GSG1L: variants seen among roughly 807,000 people sequenced by gnomAD.
GSG1L encodes the protein GSG1 like.
GSG1L carries 24 observed loss-of-function variants against 42.1 expected under a neutral mutation model. The ratio of observed to expected loss-of-function variants is 0.57; its 90% CI spans 0.41 to 0.80. The LOEUF (loss-of-function observed/expected upper bound fraction) is 0.80. Ranked by LOEUF, GSG1L falls within the 30% of genes least tolerant of loss-of-function variation. The pLI is 0.00. For synonymous variants in GSG1L, 215 were observed against 203.5 expected (o/e 1.06, Z -0.48); for missense variants, 445 against 472.2 (o/e 0.94, Z 0.53).
intron 2 of GSG1L, among the ~76,000 whole-genome samples, chr16:27,909,357 T>C (rs1368781124): frequency 6.6e-6 from 1 of 150,772 alleles, no homozygotes; most frequent in Non-Finnish European, 1.5e-5. Flanking sequence ...TTCTTTCTTT[T>C]TTCTTTCTTT....
intron 1 of GSG1L, among the ~76,000 whole-genome samples, chr16:28,039,577 G>A (rs72785836): frequency 1.8e-3 from 273 of 150,182 alleles, no homozygotes; most frequent in Non-Finnish European, 3.3e-3. Flanking sequence ...GTGCACACAC[G>A]CGCACACATG....
At chr16:27,874,181 T>C (rs2083856943) in intron 3 of GSG1L, among the ~76,000 whole-genome samples, 1 of 152,138 alleles carries the variant, frequency 6.6e-6, no homozygotes, top group South Asian at 2.1e-4. Context: ...AGTGTCTTTG[T>C]TATTCATGAG....
chr16:28,035,399 A>G (rs1228853807), intron 1 of GSG1L, among the ~76,000 whole-genome samples: 2 of 152,130 alleles, frequency 1.3e-5, no homozygotes, highest in Non-Finnish European at 1.5e-5. Flanking sequence ...TCTTTCTTTC[A>G]TGGGAATCCC....
intron 3 of GSG1L, among the ~76,000 whole-genome samples, chr16:27,851,071 G>A (rs1022965459): frequency 6.6e-5 from 10 of 152,208 alleles, no homozygotes; most frequent in African/African-American, 1.9e-4. Flanking sequence ...TGGAAGCAAG[G>A]TCCAGAGACG....
At chr16:27,842,854 C>G (rs1416337164) in intron 4 of GSG1L, among the ~76,000 whole-genome samples, 2 of 152,104 alleles carry the variant, frequency 1.3e-5, no homozygotes, top group Admixed American at 6.5e-5. Context: ...CCTCCAGGTC[C>G]TTGGACCTGC....
rs186806397 is a variant in GSG1L at position 28,028,228 on chromosome 16, A to C, written c.349+34848T>G. Among the ~76,000 whole-genome samples, 65 of 152,268 alleles carry C rather than the reference A, an allele frequency of 4.3e-4. No individual in the cohort carries two copies. In the East Asian group the frequency reaches 6.8e-3, roughly 16 times the overall value. Reference sequence around the variant, plus strand: ...TTTCCTTATCTAGCCAGTGTAGTTGATGGGCCATGAAGGCCAAGGGAGTTA... The same window carrying C: ...TTTCCTTATCTAGCCAGTGTAGTTGCTGGGCCATGAAGGCCAAGGGAGTTA... On this transcript the variant is annotated intron_variant, in intron 1 of 6. Transcript: ENST00000447459.
At chr16:28,043,944 C>T (rs2086136687) in intron 1 of GSG1L, among the ~76,000 whole-genome samples, 1 of 150,936 alleles carries the variant, frequency 6.6e-6, no homozygotes, top group South Asian at 2.1e-4. Flanking sequence ...ATCGCTTGAG[C>T]CCAGGAAGTC....
At chr16:27,922,415 A>G (rs912601419) in intron 2 of GSG1L, among the ~76,000 whole-genome samples, 1 of 152,204 alleles carries the variant, frequency 6.6e-6, no homozygotes, top group Non-Finnish European at 1.5e-5. Flanking sequence ...AATACATTTT[A>G]TATACTTTCT....
chr16:27,896,165 G>C (rs903145347), intron 2 of GSG1L, among the ~76,000 whole-genome samples: 3 of 152,166 alleles, frequency 2.0e-5, no homozygotes, highest in Admixed American at 6.5e-5. Context: ...TGCTGGAGGC[G>C]TGCGGGAAAT....
chr16:27,791,252 A>G lies in GSG1L; in HGVS notation c.*118T>C. On this transcript the variant is annotated 3_prime_UTR_variant, in exon 7 of 7. Transcript: ENST00000447459. The stretch of plus-strand genomic sequence containing the variant: ...AGGACAGGCCTGGCATCTCCCACGC[A>G]GGCTGACTGAGTTCACGGCACACAG... The G allele has an allele frequency of 1.7e-6, 1 of 586,952 alleles. No homozygotes were observed. The highest frequency in any genetic ancestry group is 5.4e-5 in the South Asian group (1 of 18,366). 36.4% of individuals were successfully genotyped at this position (586,952 alleles called of 1,614,324 possible).
At chr16:27,964,853 C>T (rs1426441201) in intron 1 of GSG1L, among the ~76,000 whole-genome samples, 1 of 151,988 alleles carries the variant, frequency 6.6e-6, no homozygotes, top group East Asian at 1.9e-4. Context: ...ATGAATAAGA[C>T]CTACTATTTG....
chr16:28,063,016 G>A lies in GSG1L; in HGVS notation c.349+60C>T. On this transcript the variant is annotated intron_variant, in intron 1 of 6. Transcript: ENST00000447459. This position sits in a 1 kb window ranked among gnomAD's most constrained non-coding sequence, Gnocchi z 5.8. The stretch of plus-strand genomic sequence containing the variant: ...CGAACGGGTCCGGGGCTCGGGCCTC[G>A]ATGGCCGCGCCGCCCCGGGGGAGCC... 1 of 1,309,110 alleles carries A rather than the reference G, an allele frequency of 7.6e-7. No individual in the cohort carries two copies. The highest frequency in any genetic ancestry group is 9.7e-7 in the Non-Finnish European group (1 of 1,028,406). 81.1% of individuals were successfully genotyped at this position (1,309,110 alleles called of 1,614,324 possible).
intron 4 of GSG1L, among the ~76,000 whole-genome samples, chr16:27,834,657 C>A (rs887682672): frequency 2.0e-5 from 3 of 152,098 alleles, no homozygotes; most frequent in Non-Finnish European, 1.5e-5. Flanking sequence ...GCAGTTTGTG[C>A]TGTTAGAAAA....
intron 1 of GSG1L, among the ~76,000 whole-genome samples, chr16:28,009,528 C>A (rs901287872): frequency 6.6e-6 from 1 of 152,194 alleles, no homozygotes; most frequent in African/African-American, 2.4e-5. Context: ...CACTGATTAC[C>A]GAGTATCTGG....
Position 28,033,181 on chromosome 16 carries a change from CCTT to C in GSG1L, c.349+29892_349+29894del, listed in dbSNP as rs1374093630. Among the ~76,000 whole-genome samples, 4 of 152,296 alleles carry C rather than the reference CCTT, an allele frequency of 2.6e-5. No homozygotes were observed. In the East Asian group the frequency reaches 7.7e-4, roughly 29 times the overall value. On this transcript the variant is annotated intron_variant, in intron 1 of 6. Coordinates refer to ENST00000447459, the MANE Select transcript of GSG1L (RefSeq NM_001109763.2). Reference sequence around the variant, plus strand: ...CCCCAGGGCCTTTGCACCTGCCAATCCTTCTTGCTGGACCACTTCTTCCCTCTC... The same window carrying C: ...CCCCAGGGCCTTTGCACCTGCCAATCCTTGCTGGACCACTTCTTCCCTCTC...
chr16:27,849,872 G>A (rs1276738140), intron 3 of GSG1L, among the ~76,000 whole-genome samples: 1 of 151,248 alleles, frequency 6.6e-6, no homozygotes, highest in African/African-American at 2.4e-5. Flanking sequence ...CTGTTGGGCT[G>A]CACACAGGTG....
At chr16:28,015,201 AC>A (rs1407026634) in intron 1 of GSG1L, among the ~76,000 whole-genome samples, 1 of 152,216 alleles carries the variant, frequency 6.6e-6, no homozygotes, top group African/African-American at 2.4e-5. Flanking sequence ...TCTGGGCAAC[AC>A]CATATCTAAT....
chr16:27,980,901 C>CA (rs11390148), intron 1 of GSG1L, among the ~76,000 whole-genome samples: 58,246 of 127,318 alleles, frequency 0.46, 12,017 homozygotes, highest in South Asian at 0.62. Context: ...AACCAAAAAA[C>CA]AAAAAAAAAA....
At chr16:27,912,321 C>G (rs1004287272) in intron 2 of GSG1L, among the ~76,000 whole-genome samples, 1 of 152,178 alleles carries the variant, frequency 6.6e-6, no homozygotes, top group African/African-American at 2.4e-5. Flanking sequence ...TGAGACCAAC[C>G]TGGGCAACAT....
Sources: gnomAD v4.1 joint callset for allele counts (sites outside exome capture counted in the v4.1 genomes callset) on GRCh38, gnomAD v4.1.1 for gene constraint, Gnocchi (gnomAD v3.1) non-coding constraint, MANE v1.5 for transcripts, NCBI Gene and HGNC (gene_info 2026-07-23, HGNC 2026-07-21) for gene names.